The following APOH variants were observed in gnomAD, a reference collection of about 807,000 sequenced individuals.
APOH encodes beta-2-glycoprotein 1.
A neutral mutation model predicts 39.8 loss-of-function variants in APOH; 48 were observed. That is an observed-to-expected ratio of 1.21 (90% CI 0.96 to 1.54). The LOEUF (loss-of-function observed/expected upper bound fraction) is 1.54. APOH is among the 40% of genes most tolerant of loss of function. The pLI is 0.00. For synonymous variants in APOH, 153 were observed against 151.1 expected, an observed-to-expected ratio of 1.01 and a Z score of -0.09; for missense variants, 415 against 421.2, an observed-to-expected ratio of 0.99 and a Z score of 0.13.
intron 4 of APOH, 138 bp downstream of exon 4, chr17:66,223,560 C>A: frequency 1.4e-6 from 1 of 730,618 alleles, no homozygotes; most frequent in South Asian, 1.8e-5. Flanking sequence ...GAGCAAGATA[C>A]CAGGATGAAT....
intron 6 of APOH, among the ~76,000 whole-genome samples, chr17:66,215,859 A>T (rs1365230980): frequency 6.6e-6 from 1 of 152,208 alleles, no homozygotes; most frequent in Non-Finnish European, 1.5e-5. Flanking sequence ...AGATACGGAA[A>T]AAGTAGGAAT....
chr17:66,215,222 G>A (rs1188630661), intron 6 of APOH, among the ~76,000 whole-genome samples: 4 of 152,200 alleles, frequency 2.6e-5, no homozygotes, highest in African/African-American at 9.7e-5. Flanking sequence ...ACTCAAGGGT[G>A]GAATTCACAC....
chr17:66,219,138 G>A (rs1264413159), intron 5 of APOH, among the ~76,000 whole-genome samples: 3 of 152,066 alleles, frequency 2.0e-5, no homozygotes, highest in African/African-American at 7.2e-5. Context: ...GGTCAATTGG[G>A]AAAATTTGCA....
intron 3 of APOH, among the ~76,000 whole-genome samples, 189 bp downstream of exon 3, chr17:66,225,839 T>C (rs1021899970): frequency 2.7e-5 from 4 of 150,456 alleles, no homozygotes; most frequent in African/African-American, 4.9e-5. Flanking sequence ...ACTGCACCAC[T>C]GCGCTCCAGC....
At chr17:66,225,009 G>A (rs1190688576) in intron 3 of APOH, among the ~76,000 whole-genome samples, 1 of 151,258 alleles carries the variant, frequency 6.6e-6, no homozygotes, top group Admixed American at 6.6e-5. Flanking sequence ...GGAGGTTGCA[G>A]TGAGCCAAGA....
rs190922952 is a variant in APOH, at chr17:66,214,229, T to C, written c.982+224A>G. Among the ~76,000 whole-genome samples, 26 of 152,266 alleles carry C rather than the reference T, an allele frequency of 1.7e-4. No homozygotes were observed. In the East Asian group the frequency reaches 4.1e-3, roughly 24 times the overall value. ...CACCCGGCACCACAGCAATTAATTTTTGTATTTTTAGTAGAGACAGACTTT... is the reference window on the plus strand; with the variant it reads ...CACCCGGCACCACAGCAATTAATTTCTGTATTTTTAGTAGAGACAGACTTT... On this transcript the variant is annotated intron_variant, in intron 7 of 7. Coordinates refer to ENST00000205948, the MANE Select transcript of APOH (RefSeq NM_000042.3).
intron 4 of APOH, among the ~76,000 whole-genome samples, chr17:66,221,679 C>T (rs916437751): frequency 1.2e-4 from 18 of 152,104 alleles, no homozygotes; most frequent in African/African-American, 4.1e-4. Context: ...CCAGTTCAGT[C>T]TGTTTCTGCT....
chr17:66,220,726 T>A lies in APOH; in HGVS notation c.432A>T (p.Pro144=), dbSNP rs757631861. 6.2e-7 allele frequency: 1 copy of A among 1,609,936 alleles called. No individual in the cohort carries two copies. Among genetic ancestry groups the A allele is most frequent in the East Asian group, 2.2e-5 (1 of 44,776 alleles). ...LPVCAPIICP[P]PSIPTFATLR... ...GTGTTGCAAACGTAGGTATGGATGG[T>A]GGAGGGCAGATGATGGCTGGGAAAA... is the stretch of plus-strand genomic sequence containing the variant. Residue 144 remains proline (P), a synonymous_variant, in exon 5 of 8, where the codon CCA becomes CCT. Transcript: ENST00000205948.
intron 7 of APOH, 58 bp from the exon 8 acceptor site, chr17:66,212,246 T>C: frequency 6.8e-7 from 1 of 1,468,178 alleles, no homozygotes; most frequent in Non-Finnish European, 9.5e-7. Context: ...TTAAATGTGG[T>C]AAATAGCTAA....
At chr17:66,220,203 C>T (rs1185485496) in intron 5 of APOH, among the ~76,000 whole-genome samples, 2 of 152,218 alleles carry the variant, frequency 1.3e-5, no homozygotes, top group African/African-American at 4.8e-5. Flanking sequence ...AAATGTCCAG[C>T]TGTCCATGGA....
intron 5 of APOH, among the ~76,000 whole-genome samples, chr17:66,218,836 C>T (rs1310877102): frequency 1.3e-5 from 2 of 151,830 alleles, no homozygotes; most frequent in East Asian, 3.9e-4. Context: ...ACAGTGAAAT[C>T]CCATCTCTAC....
At chr17:66,214,726 CAGT>C in intron 6 of APOH, 76 bp from the exon 7 acceptor site, 1 of 1,284,268 alleles carries the variant, frequency 7.8e-7, no homozygotes, top group Admixed American at 1.9e-5. Flanking sequence ...GCATTTGAAA[CAGT>C]AGATGAGTAC....
Position 66,228,061 on chromosome 17 carries a change from G to C in APOH, c.200C>G (p.Pro67Arg), listed in dbSNP as rs567530022. The stretch of plus-strand genomic sequence containing the variant: ...GTTGATGGGCCACAGTCCTGTGAGA[G>C]GGCAGATAAACTTTCTCATCCCTCC... ...SRGGMRKFIC[P>R]LTGLWPINTL... Residue 67 changes from proline to arginine, a missense_variant, in exon 2 of 8, where the codon CCT (proline) becomes CGT (arginine). Coordinates refer to ENST00000205948, the MANE Select transcript of APOH (RefSeq NM_000042.3). 1.2e-6 allele frequency: 2 copies of C among 1,614,172 alleles called. No individual in the cohort carries two copies. Among genetic ancestry groups the C allele is most frequent in the East Asian group, 2.2e-5 (1 of 44,884 alleles).
At chr17:66,213,399 CT>C (rs901666731) in intron 7 of APOH, among the ~76,000 whole-genome samples, 6 of 152,186 alleles carry the variant, frequency 3.9e-5, no homozygotes, top group Admixed American at 3.9e-4. Flanking sequence ...CTAATGGATA[CT>C]TTTCAAACTC....
intron 5 of APOH, among the ~76,000 whole-genome samples, chr17:66,218,168 T>A (rs1358298104): frequency 6.6e-6 from 1 of 152,184 alleles, no homozygotes; most frequent in Non-Finnish European, 1.5e-5. Context: ...TTTCAAAGTA[T>A]CACCCACAGG....
chr17:66,228,492 C>T, intron 1 of APOH: 1 of 289,566 alleles, frequency 3.5e-6, no homozygotes, highest in Non-Finnish European at 6.6e-6. Flanking sequence ...GTCCCTCCAG[C>T]ATCCACTCTA....
chr17:66,226,313 A>G (rs2073439236), intron 2 of APOH, among the ~76,000 whole-genome samples, 189 bp from the exon 3 acceptor site: 1 of 152,234 alleles, frequency 6.6e-6, no homozygotes, highest in Non-Finnish European at 1.5e-5. Context: ...ATATGTACAA[A>G]AGCGTTCATT....
At chr17:66,213,368 T>G (rs1406179808) in intron 7 of APOH, among the ~76,000 whole-genome samples, 2 of 152,174 alleles carry the variant, frequency 1.3e-5, no homozygotes, top group Non-Finnish European at 2.9e-5. Context: ...TAAAATATTT[T>G]GCTCTAATGG....
chr17:66,227,472 T>C (rs2073446925), intron 2 of APOH, among the ~76,000 whole-genome samples: 1 of 152,154 alleles, frequency 6.6e-6, no homozygotes, highest in Non-Finnish European at 1.5e-5. Context: ...TTCTAAGAAA[T>C]AAATAAAAGC....
Sources: gnomAD v4.1 joint callset for allele counts (sites outside exome capture counted in the v4.1 genomes callset) on GRCh38, gnomAD v4.1.1 for gene constraint, MANE v1.5 for transcripts, NCBI Gene and HGNC (gene_info 2026-07-23, HGNC 2026-07-21) for gene names.